The following CDH13 variants were observed in gnomAD, a reference collection of about 807,000 sequenced individuals.
CDH13 encodes the protein cadherin-13.
CDH13 carries 24 observed loss-of-function variants against 63.8 expected under a neutral mutation model. The observed-to-expected ratio is 0.38, with a 90% CI of 0.27 to 0.53. The LOEUF (loss-of-function observed/expected upper bound fraction) is 0.53. Among genes scored for constraint, CDH13 ranks in the 20% least tolerant of loss-of-function variants. The pLI, the probability that CDH13 is intolerant of heterozygous loss-of-function variation, is 0.85. For missense variants in CDH13, 1,049 were observed against 903.1 expected (o/e 1.16, Z -2.07); for synonymous variants, 503 against 355.3 (o/e 1.42, Z -4.67).
At chr16:82,917,142 G>T (rs2042013872) in intron 2 of CDH13, among the ~76,000 whole-genome samples, 1 of 152,178 alleles carries the variant, frequency 6.6e-6, no homozygotes, top group African/African-American at 2.4e-5. Context: ...ATTCAACAGA[G>T]AAAGTAAATG....
chr16:83,540,816 G>C (rs1214432463), intron 7 of CDH13, among the ~76,000 whole-genome samples: 1 of 152,182 alleles, frequency 6.6e-6, no homozygotes, highest in African/African-American at 2.4e-5. Flanking sequence ...TTTTAGTAGA[G>C]ATGGGTTTTC....
intron 2 of CDH13, among the ~76,000 whole-genome samples, chr16:83,003,255 A>G (rs1423980936): frequency 6.6e-6 from 1 of 152,182 alleles, no homozygotes; most frequent in African/African-American, 2.4e-5. Flanking sequence ...TTGGGCGGTG[A>G]GAGGACTGTA....
At chr16:83,351,843 C>T (rs1172418870) in intron 6 of CDH13, among the ~76,000 whole-genome samples, 4 of 152,216 alleles carry the variant, frequency 2.6e-5, no homozygotes, top group African/African-American at 4.8e-5. Flanking sequence ...CTTGTTCATG[C>T]AGCAGGATAC....
intron 2 of CDH13, among the ~76,000 whole-genome samples, chr16:83,001,639 C>T (rs1912943476): frequency 6.6e-6 from 1 of 152,184 alleles, no homozygotes. Context: ...GGATGTGCCA[C>T]TCTGAGAAGC....
chr16:82,712,328 A>C (rs942500778), intron 1 of CDH13, among the ~76,000 whole-genome samples: 7 of 152,142 alleles, frequency 4.6e-5, no homozygotes, highest in African/African-American at 1.7e-4. Context: ...TTGAAGCACA[A>C]ACCTCCACAA....
At chr16:82,944,747 AATTT>A (rs1904505573) in intron 2 of CDH13, among the ~76,000 whole-genome samples, 1 of 152,056 alleles carries the variant, frequency 6.6e-6, no homozygotes, top group Non-Finnish European at 1.5e-5. Flanking sequence ...GGCCCTTGTG[AATTT>A]ATTTGTTTTA....
At chr16:83,131,422 G>T (rs12918421) in intron 4 of CDH13, among the ~76,000 whole-genome samples, 2 of 151,984 alleles carry the variant, frequency 1.3e-5, no homozygotes, top group African/African-American at 4.8e-5. Flanking sequence ...GGAGCTGACA[G>T]TGAGTGCTCT....
intron 6 of CDH13, among the ~76,000 whole-genome samples, chr16:83,455,362 G>T (rs1168216251): frequency 1.3e-5 from 2 of 152,178 alleles, no homozygotes; most frequent in African/African-American, 4.8e-5. Context: ...AAAATGCAGG[G>T]AGCCTGGTGT....
chr16:83,529,539 C>T (rs2151630712), intron 7 of CDH13, among the ~76,000 whole-genome samples: 1 of 152,120 alleles, frequency 6.6e-6, no homozygotes, highest in Non-Finnish European at 1.5e-5. Context: ...GAGCAATGTA[C>T]ACAGCTTACA....
At chr16:83,591,819 G>A (rs148921705) in intron 7 of CDH13, among the ~76,000 whole-genome samples, 25 of 152,328 alleles carry the variant, frequency 1.6e-4, no homozygotes, top group Middle Eastern at 6.8e-3. Context: ...GGTCGAGAGC[G>A]TACTTTTTCT....
At chr16:83,336,249 C>G (rs1224298593) in intron 5 of CDH13, among the ~76,000 whole-genome samples, 1 of 144,766 alleles carries the variant, frequency 6.9e-6, no homozygotes, top group African/African-American at 2.6e-5. Flanking sequence ...TGCAGTGAAC[C>G]AAGATCACGC....
intron 4 of CDH13, among the ~76,000 whole-genome samples, chr16:83,160,866 C>G (rs776342563): frequency 3.9e-5 from 6 of 152,220 alleles, no homozygotes; most frequent in Non-Finnish European, 8.8e-5. Flanking sequence ...AGTTTCCACA[C>G]AAGTGTTTGT....
At chr16:82,709,297 C>G (rs974200164) in intron 1 of CDH13, among the ~76,000 whole-genome samples, 4 of 152,166 alleles carry the variant, frequency 2.6e-5, no homozygotes, top group African/African-American at 9.7e-5. Context: ...AAATTCTGAA[C>G]TTGCAATTTT....
At chr16:83,124,400 T>C (rs2035721747) in intron 3 of CDH13, among the ~76,000 whole-genome samples, 1 of 152,198 alleles carries the variant, frequency 6.6e-6, no homozygotes, top group Non-Finnish European at 1.5e-5. Flanking sequence ...AAATTCTGGA[T>C]AATAGTCCTT....
intron 2 of CDH13, among the ~76,000 whole-genome samples, chr16:82,928,061 C>G (rs185480863): frequency 6.6e-6 from 1 of 152,232 alleles, no homozygotes; most frequent in Non-Finnish European, 1.5e-5. Context: ...TGACATGCCT[C>G]TCAGCGAGAG....
chr16:83,004,736 G>A (rs538721763), intron 2 of CDH13, among the ~76,000 whole-genome samples: 63 of 152,110 alleles, frequency 4.1e-4, no homozygotes, highest in Non-Finnish European at 7.6e-4. Context: ...CAAGTGATCC[G>A]CCCACCTCAG....
At chr16:82,726,166 G>A (rs952723185) in intron 1 of CDH13, among the ~76,000 whole-genome samples, 1 of 152,124 alleles carries the variant, frequency 6.6e-6, no homozygotes, top group African/African-American at 2.4e-5. Context: ...ATGTGCGCAC[G>A]GTAGGTTATA....
At chr16:83,369,120 A>G (rs1044432838) in intron 6 of CDH13, among the ~76,000 whole-genome samples, 14 of 151,460 alleles carry the variant, frequency 9.2e-5, no homozygotes, top group Admixed American at 5.3e-4. Context: ...GTCTACTTTT[A>G]GTTCTTTAAG....
At position 83,563,792 on chromosome 16, in the gene CDH13, C is replaced by G. The variant is rs1488267243; in HGVS notation, c.961-38662C>G. On this transcript the variant is annotated intron_variant, in intron 7 of 13. Coordinates refer to ENST00000567109, the MANE Select transcript of CDH13 (RefSeq NM_001257.5). Reference sequence around the variant, plus strand: ...GCCTCCTGCCCTATTTTCTGCCTTTCCTCTGCTCCCTGGCAGAGCTGACCT... The same window carrying G: ...GCCTCCTGCCCTATTTTCTGCCTTTGCTCTGCTCCCTGGCAGAGCTGACCT... Among the ~76,000 whole-genome samples the G allele has an allele frequency of 3.9e-5, 6 of 152,266 alleles. No homozygotes were observed. In the East Asian group the frequency reaches 1.2e-3, roughly 29 times the overall value.
Sources: gnomAD v4.1 joint callset for allele counts (sites outside exome capture counted in the v4.1 genomes callset) on GRCh38, gnomAD v4.1.1 for gene constraint, MANE v1.5 for transcripts, NCBI Gene and HGNC (gene_info 2026-07-23, HGNC 2026-07-21) for gene names.